Variants in WDFY3 observed in about 807,000 individuals in gnomAD.
The protein encoded by WDFY3 is WD repeat and FYVE domain containing 3.
Under a neutral mutation model 409.6 loss-of-function variants are expected in WDFY3, and 66 were observed. That is an observed-to-expected ratio of 0.16 (90% CI 0.13 to 0.20). WDFY3 has a LOEUF of 0.20. Among genes scored for constraint, WDFY3 ranks in the 10% least tolerant of loss-of-function variants. WDFY3 has a pLI of 1.00. For missense variants in WDFY3, 3,031 were observed against 4,298.1 expected (o/e 0.71, Z 8.24); for synonymous variants, 1,521 against 1,537.1 (o/e 0.99, Z 0.25).
intron 2 of WDFY3, among the ~76,000 whole-genome samples, chr4:84,924,783 A>G (rs1769755623): frequency 6.6e-6 from 1 of 152,166 alleles, no homozygotes; most frequent in African/African-American, 2.4e-5. Context: ...ATCATTTAAA[A>G]CTAAAATCCT....
rs1197858909 is a variant in WDFY3, at chr4:84,730,020, C to G, written c.7222-3109G>C. 2.6e-5 allele frequency among the ~76,000 whole-genome samples: 4 copies of G among 152,108 alleles called. No homozygotes were observed. In the East Asian group the frequency reaches 7.7e-4, roughly 29 times the overall value. On this transcript the variant is annotated intron_variant, in intron 44 of 67. Coordinates refer to ENST00000295888, the MANE Select transcript of WDFY3 (RefSeq NM_014991.6). Reference sequence around the variant, plus strand: ...TTTAAAGGAAAGAACTGATTGATCTCTAACTCTGGGAGGCAATATTTTTTA... The same window carrying G: ...TTTAAAGGAAAGAACTGATTGATCTGTAACTCTGGGAGGCAATATTTTTTA...
At chr4:84,868,761 T>A (rs1370555878) in intron 3 of WDFY3, among the ~76,000 whole-genome samples, 1 of 152,174 alleles carries the variant, frequency 6.6e-6, no homozygotes, top group Non-Finnish European at 1.5e-5. Flanking sequence ...CACCGCTATC[T>A]TGGGAGCGGA....
intron 27 of WDFY3, 102 bp from the exon 28 acceptor site, chr4:84,775,240 T>TG: frequency 1.0e-6 from 1 of 981,328 alleles, no homozygotes; most frequent in Admixed American, 2.7e-5. Flanking sequence ...TTCACTTATA[T>TG]AATTATTATC....
chr4:84,777,822 T>C (rs2149464199), intron 27 of WDFY3, among the ~76,000 whole-genome samples: 1 of 152,268 alleles, frequency 6.6e-6, no homozygotes, highest in East Asian at 1.9e-4. Context: ...CACAGGGATA[T>C]ATTACATAAA....
intron 21 of WDFY3, 66 bp from the exon 22 acceptor site, chr4:84,789,973 C>A: frequency 1.3e-6 from 2 of 1,505,600 alleles, no homozygotes; most frequent in Admixed American, 3.6e-5. Flanking sequence ...TTATTCATAT[C>A]TAGATCAGCA....
At chr4:84,681,913 G>A (rs1394393137) in intron 64 of WDFY3, among the ~76,000 whole-genome samples, 2 of 152,204 alleles carry the variant, frequency 1.3e-5, no homozygotes, top group Admixed American at 6.5e-5. Flanking sequence ...ATGCCCCAAT[G>A]TAAGCAAGTC....
intron 5 of WDFY3, among the ~76,000 whole-genome samples, chr4:84,848,359 T>C (rs921127252): frequency 6.6e-6 from 1 of 152,206 alleles, no homozygotes. Flanking sequence ...GAAAATTTTT[T>C]AAATTCTGAG....
intron 1 of WDFY3, among the ~76,000 whole-genome samples, chr4:84,935,381 T>C (rs1241969253): frequency 6.6e-6 from 1 of 152,190 alleles, no homozygotes; most frequent in Non-Finnish European, 1.5e-5. Flanking sequence ...CAACGTGTAG[T>C]AATGCCAACT....
intron 1 of WDFY3, among the ~76,000 whole-genome samples, chr4:84,945,016 T>C (rs556449505): frequency 3.3e-5 from 5 of 152,178 alleles, no homozygotes; most frequent in African/African-American, 1.2e-4. Context: ...GCTACTTGAA[T>C]GAACCTCTCA....
At chr4:84,736,043 G>T in intron 42 of WDFY3, 127 bp downstream of exon 42, 8 of 1,014,294 alleles carry the variant, frequency 7.9e-6, no homozygotes, top group Non-Finnish European at 1.1e-5. Context: ...CCATAGTCTG[G>T]ATTACTTCTA....
At chr4:84,760,585 T>C (rs1333574286) in intron 32 of WDFY3, among the ~76,000 whole-genome samples, 3 of 152,238 alleles carry the variant, frequency 2.0e-5, no homozygotes, top group African/African-American at 7.2e-5. Context: ...TTCTAGTTTA[T>C]TTGTGTAGAG....
intron 9 of WDFY3, among the ~76,000 whole-genome samples, chr4:84,828,147 G>A (rs950837726): frequency 4.6e-5 from 7 of 152,048 alleles, no homozygotes; most frequent in Non-Finnish European, 1.0e-4. Flanking sequence ...AAACAGTGGT[G>A]TCTTATAATA....
At chr4:84,722,628 G>A (rs547340608) in intron 46 of WDFY3, among the ~76,000 whole-genome samples, 4 of 152,258 alleles carry the variant, frequency 2.6e-5, no homozygotes, top group Admixed American at 2.6e-4. Flanking sequence ...ATCACAGTAC[G>A]ATAATTTAAA....
intron 3 of WDFY3, among the ~76,000 whole-genome samples, chr4:84,890,186 A>G (rs953954569): frequency 2.6e-5 from 4 of 152,096 alleles, no homozygotes; most frequent in African/African-American, 9.6e-5. Flanking sequence ...TTCATCCTCA[A>G]TCTTCCAGAC....
intron 6 of WDFY3, among the ~76,000 whole-genome samples, chr4:84,839,049 T>C (rs1006471663): frequency 2.6e-5 from 4 of 152,168 alleles, no homozygotes; most frequent in African/African-American, 9.7e-5. Flanking sequence ...TATTTCCAGA[T>C]AGATTATTAC....
At chr4:84,802,244 G>GC (rs1370757021) in intron 16 of WDFY3, among the ~76,000 whole-genome samples, 1 of 150,792 alleles carries the variant, frequency 6.6e-6, no homozygotes. Context: ...ACCGCACCCG[G>GC]CAGAAGCATA....
At chr4:84,912,341 C>A (rs1298458448) in intron 2 of WDFY3, among the ~76,000 whole-genome samples, 2 of 152,190 alleles carry the variant, frequency 1.3e-5, no homozygotes, top group African/African-American at 4.8e-5. Context: ...GAGAGGGAAA[C>A]TGGTGAAGCC....
intron 7 of WDFY3, among the ~76,000 whole-genome samples, chr4:84,832,045 T>G (rs187134391): frequency 8.9e-4 from 136 of 152,292 alleles, no homozygotes; most frequent in Middle Eastern, 3.4e-3. Flanking sequence ...CACTGCCATG[T>G]TTACTGCAGC....
intron 48 of WDFY3, 70 bp from the exon 49 acceptor site, chr4:84,717,086 G>A (rs923150119): frequency 4.9e-6 from 7 of 1,430,528 alleles, no homozygotes; most frequent in Middle Eastern, 1.9e-4. Flanking sequence ...CATAAAGGGC[G>A]TGCTAATTTT....
Sources: gnomAD v4.1 joint callset for allele counts (sites outside exome capture counted in the v4.1 genomes callset) on GRCh38, gnomAD v4.1.1 for gene constraint, MANE v1.5 for transcripts, NCBI Gene and HGNC (gene_info 2026-07-23, HGNC 2026-07-21) for gene names.